The following TGM4 variants were observed in gnomAD, a reference collection of about 807,000 sequenced individuals.
TGM4 encodes transglutaminase 4.
TGM4 carries 61 observed loss-of-function variants against 76.3 expected under a neutral mutation model. That is an observed-to-expected ratio of 0.80 (90% CI 0.65 to 0.99). TGM4 has a LOEUF of 0.99. Among genes scored for constraint, TGM4 ranks in the 50% least tolerant of loss-of-function variants. The pLI is 0.00. For missense variants in TGM4, 794 were observed against 843.2 expected (o/e 0.94, Z 0.72); for synonymous variants, 337 against 329.8 (o/e 1.02, Z -0.24).
At position 44,911,026 on chromosome 3, in the gene TGM4, C is replaced by A. The variant is rs1448434577; in HGVS notation, c.1675C>A (p.Pro559Thr). The change falls in exon 12 of 14, where the codon CCA (proline) becomes ACA (threonine). Residue 559 changes from proline to threonine, a missense_variant. By Grantham distance (38) the Pro-to-Thr change is conservative (BLOSUM62 -1). Coordinates refer to ENST00000296125, the MANE Select transcript of TGM4 (RefSeq NM_003241.4). The part of the protein sequence containing the change: ...INSLAILDDE[P>T]VIRGFIIAEI... ...CAGCCTGGCTATATTAGATGATGAGCCAGTTATCAGAGGTTTCATCATTGC... is the reference window on the plus strand; with the variant it reads ...CAGCCTGGCTATATTAGATGATGAGACAGTTATCAGAGGTTTCATCATTGC... 6.2e-7 allele frequency: 1 copy of A among 1,614,140 alleles called. No individual in the cohort carries two copies. The highest frequency in any genetic ancestry group is 8.5e-7 in the Non-Finnish European group (1 of 1,180,014).
chr3:44,886,693 G>A (rs1187515349), intron 2 of TGM4, among the ~76,000 whole-genome samples: 1 of 152,236 alleles, frequency 6.6e-6, no homozygotes, highest in African/African-American at 2.4e-5. Context: ...GTATGACATA[G>A]TGTGAATCAC....
intron 6 of TGM4, chr3:44,899,344 C>T (rs1575722075): frequency 6.6e-6 from 1 of 152,374 alleles, no homozygotes; most frequent in Non-Finnish European, 1.5e-5. Context: ...TCCTAGTGCC[C>T]TGCCAGCCAC....
intron 1 of TGM4, among the ~76,000 whole-genome samples, chr3:44,879,354 T>A (rs1362977720): frequency 6.6e-6 from 1 of 150,960 alleles, no homozygotes; most frequent in Non-Finnish European, 1.5e-5. Flanking sequence ...TTGCCCAGGC[T>A]AGAGTGCCAT....
chr3:44,905,029 G>C, intron 9 of TGM4, among the ~76,000 whole-genome samples: 1 of 151,856 alleles, frequency 6.6e-6, no homozygotes, highest in Non-Finnish European at 1.5e-5. Flanking sequence ...TTGTTACCCA[G>C]GCTGGAGTGC....
chr3:44,886,816 A>C (rs1321963886), intron 2 of TGM4, among the ~76,000 whole-genome samples: 1 of 152,214 alleles, frequency 6.6e-6, no homozygotes, highest in African/African-American at 2.4e-5. Context: ...AAACAAACAA[A>C]AGTGCAAGAT....
In TGM4 at chr3:44,913,771, T is replaced by A. The variant is rs772729041; in HGVS notation, c.*46T>A. The A allele has an allele frequency of 1.3e-6, 2 of 1,584,944 alleles. No homozygotes were observed. The highest frequency in any genetic ancestry group is 3.6e-5 in the Admixed American group (2 of 54,880). ...CCTTAGTTGAGATTTCAGCATTTCCTACCTTGTGCTTAGCTTTCAGATTAT... is the reference window on the plus strand; with the variant it reads ...CCTTAGTTGAGATTTCAGCATTTCCAACCTTGTGCTTAGCTTTCAGATTAT... On this transcript the variant is annotated 3_prime_UTR_variant, in exon 14 of 14. Coordinates refer to ENST00000296125, the MANE Select transcript of TGM4 (RefSeq NM_003241.4).
chr3:44,913,165 G>A (rs894963366), intron 13 of TGM4, among the ~76,000 whole-genome samples: 5 of 152,216 alleles, frequency 3.3e-5, no homozygotes, highest in Non-Finnish European at 7.3e-5. Context: ...AGCTCAGCTA[G>A]TATTGCGAAG....
intron 9 of TGM4, among the ~76,000 whole-genome samples, chr3:44,904,685 ATTTG>A (rs796564169): frequency 5.2e-4 from 79 of 152,350 alleles, no homozygotes; most frequent in African/African-American, 1.6e-3. Context: ...TTAAAAAATT[ATTTG>A]TTTATTTATT....
chr3:44,892,301 T>C (rs971985202), intron 4 of TGM4, among the ~76,000 whole-genome samples: 5 of 151,038 alleles, frequency 3.3e-5, no homozygotes, highest in Non-Finnish European at 7.4e-5. Flanking sequence ...ATTAAAAAAA[T>C]AAGTGTTAGC....
intron 2 of TGM4, among the ~76,000 whole-genome samples, chr3:44,885,745 G>C (rs1699597242): frequency 6.6e-6 from 1 of 152,222 alleles, no homozygotes; most frequent in Admixed American, 6.5e-5. Context: ...AGAGCAGAGA[G>C]AGGAGGTGAC....
chr3:44,884,685 C>A (rs1699576595), intron 1 of TGM4, among the ~76,000 whole-genome samples: 1 of 152,136 alleles, frequency 6.6e-6, no homozygotes, highest in Non-Finnish European at 1.5e-5. Flanking sequence ...ATCATGGGAG[C>A]TCCTTGGTGC....
chr3:44,901,698 G>A lies in TGM4; in HGVS notation c.832G>A (p.Val278Met). The change falls in exon 7 of 14, where the codon GTG (valine) becomes ATG (methionine). Residue 278 changes from valine to methionine, a missense_variant and splice_region_variant. By Grantham distance (21) the Val-to-Met change is conservative. Transcript: ENST00000296125. ...CWVFAGILTTVLRALGIPARS... is the reference protein window; with the variant it reads ...CWVFAGILTTMLRALGIPARS... ...GGTGTTTGCTGGGATCCTGACTACAGGTAAGTGGCAGATCCAGGGGCTGAG... is the reference window on the plus strand; with the variant it reads ...GGTGTTTGCTGGGATCCTGACTACAAGTAAGTGGCAGATCCAGGGGCTGAG... 6.2e-7 allele frequency: 1 copy of A among 1,613,584 alleles called. No individual in the cohort carries two copies.
chr3:44,901,737 A>G (rs1273002216), intron 7 of TGM4, 39 bp downstream of exon 7: 24 of 1,612,912 alleles, frequency 1.5e-5, no homozygotes, highest in Non-Finnish European at 2.0e-5. Flanking sequence ...AGAGGTCCCA[A>G]GGGAGGGACT....
rs570516061 is a variant in TGM4, at chr3:44,885,131, T to C, written c.20-194T>C. ...CCCATGTAATCCCACAAGGTAGGTA[T>C]GTGCACACCAGTCTTACAGGTGAAG... On this transcript the variant is annotated intron_variant, in intron 1 of 13. Transcript: ENST00000296125. Among the ~76,000 whole-genome samples, 9 of 152,288 alleles carry C rather than the reference T, an allele frequency of 5.9e-5. No homozygotes were observed. The South Asian group carries it at 1.9e-3, about 32-fold the overall frequency.
intron 1 of TGM4, among the ~76,000 whole-genome samples, chr3:44,875,981 T>C (rs559098298): frequency 5.2e-4 from 79 of 152,330 alleles, no homozygotes; most frequent in African/African-American, 1.8e-3. Flanking sequence ...TAAATAGCCC[T>C]GTGGCTTTGG....
In TGM4 at chr3:44,911,136, C is replaced by T; in HGVS notation, c.1776+9C>T. The T allele has an allele frequency of 6.2e-7, 1 of 1,613,382 alleles. No homozygotes were observed. Among genetic ancestry groups the T allele is most frequent in the Non-Finnish European group, 8.5e-7 (1 of 1,179,404 alleles). On this transcript the variant is annotated intron_variant, in intron 12 of 13. Transcript: ENST00000296125. ...CTGAGTTCTCTATAGAGGTGAGCTTCCTGCAGGCCATAAAGGGCTCCTTCT... is the reference window on the plus strand; with the variant it reads ...CTGAGTTCTCTATAGAGGTGAGCTTTCTGCAGGCCATAAAGGGCTCCTTCT...
chr3:44,893,476 A>G, intron 4 of TGM4, 101 bp from the exon 5 acceptor site: 3 of 1,022,630 alleles, frequency 2.9e-6, no homozygotes, highest in African/African-American at 1.6e-5. Context: ...AGCCCCTCAC[A>G]AAGACCTTGA....
intron 1 of TGM4, among the ~76,000 whole-genome samples, chr3:44,878,891 T>G (rs1699488418): frequency 6.6e-6 from 1 of 152,164 alleles, no homozygotes; most frequent in African/African-American, 2.4e-5. Flanking sequence ...TGCTCCCCAT[T>G]CTTGATTCTC....
intron 5 of TGM4, among the ~76,000 whole-genome samples, chr3:44,895,528 A>AG (rs1217234258): frequency 6.6e-6 from 1 of 151,968 alleles, no homozygotes; most frequent in East Asian, 1.9e-4. Flanking sequence ...AGCTGTGGGG[A>AG]GGGGGGACTG....
Sources: allele counts gnomAD v4.1 joint callset (sites outside exome capture counted in the v4.1 genomes callset), GRCh38; gene constraint gnomAD v4.1.1; transcripts MANE v1.5; gene names NCBI Gene and HGNC (gene_info 2026-07-23, HGNC 2026-07-21).